Variants in MTUS2 observed in about 807,000 individuals in gnomAD.
The protein encoded by MTUS2 is microtubule associated scaffold protein 2, also known as microtubule-associated tumor suppressor candidate 2.
MTUS2 carries 40 observed loss-of-function variants against 114.1 expected under a neutral mutation model. The ratio of observed to expected loss-of-function variants is 0.35; its 90% CI spans 0.27 to 0.46. The LOEUF (loss-of-function observed/expected upper bound fraction) is 0.46. Ranked by LOEUF, MTUS2 falls within the 20% of genes least tolerant of loss-of-function variation. The pLI is 1.00. For synonymous variants in MTUS2, 688 were observed against 672.0 expected (o/e 1.02, Z -0.37); for missense variants, 1,679 against 1,705.4 (o/e 0.98, Z 0.27).
At chr13:29,291,965 C>G (rs889081064) in intron 6 of MTUS2, among the ~76,000 whole-genome samples, 4 of 152,154 alleles carry the variant, frequency 2.6e-5, no homozygotes, top group Non-Finnish European at 5.9e-5. Context: ...AGAATTTTAG[C>G]TTTGCATGTA....
intron 6 of MTUS2, among the ~76,000 whole-genome samples, chr13:29,313,004 A>G (rs1225309547): frequency 6.6e-6 from 1 of 152,254 alleles, no homozygotes; most frequent in Non-Finnish European, 1.5e-5. Flanking sequence ...GTTAGTAATA[A>G]TAACCAACTC....
intron 5 of MTUS2, among the ~76,000 whole-genome samples, chr13:29,159,780 C>A (rs764510100): frequency 6.6e-6 from 1 of 152,046 alleles, no homozygotes; most frequent in African/African-American, 2.4e-5. Context: ...CAAATTAAAA[C>A]AACAATGTGA....
intron 5 of MTUS2, among the ~76,000 whole-genome samples, chr13:29,244,739 G>A (rs964011275): frequency 1.3e-5 from 2 of 151,666 alleles, no homozygotes; most frequent in Non-Finnish European, 2.9e-5. Context: ...GGCGGATCAC[G>A]AGGTCAGGAG....
At chr13:28,910,628 A>G (rs1013769771) in intron 2 of MTUS2, among the ~76,000 whole-genome samples, 30 of 151,516 alleles carry the variant, frequency 2.0e-4, no homozygotes, top group African/African-American at 7.0e-4. Flanking sequence ...GAAAACATGC[A>G]GTGTTTGGTT....
chr13:29,501,290 C>A, intron 15 of MTUS2, 96 bp downstream of exon 15: 2 of 891,580 alleles, frequency 2.2e-6, no homozygotes, highest in Non-Finnish European at 1.8e-6. Context: ...GTGAGTCTTT[C>A]CCCACAGTCT....
chr13:29,132,497 C>T (rs562311299), intron 5 of MTUS2, among the ~76,000 whole-genome samples: 6 of 152,298 alleles, frequency 3.9e-5, no homozygotes, highest in South Asian at 2.1e-4. Context: ...ACCCATTAAA[C>T]AACAACTCTG....
intron 2 of MTUS2, among the ~76,000 whole-genome samples, chr13:28,894,289 GGAGAGA>G (rs1282557810): frequency 7.6e-4 from 9 of 11,808 alleles, no homozygotes; most frequent in East Asian, 1.0e-3. Context: ...TGGGGGGGGG[GGAGAGA>G]GAGAGAGAGG....
At chr13:29,338,610 G>C (rs993154868) in intron 7 of MTUS2, among the ~76,000 whole-genome samples, 8 of 146,204 alleles carry the variant, frequency 5.5e-5, no homozygotes, top group African/African-American at 8.3e-5. Flanking sequence ...AAAAAACAAA[G>C]TTGCATAACC....
At chr13:29,292,882 AAAAG>A (rs1255308229) in intron 6 of MTUS2, among the ~76,000 whole-genome samples, 1 of 152,156 alleles carries the variant, frequency 6.6e-6, no homozygotes, top group African/African-American at 2.4e-5. Context: ...TCAAGGGAAA[AAAAG>A]AGCCTGCCAT....
chr13:29,195,539 GAA>G (rs59726006), intron 5 of MTUS2, among the ~76,000 whole-genome samples: 12,267 of 78,994 alleles, frequency 0.16, 892 homozygotes, highest in African/African-American at 0.26. Flanking sequence ...ACTTAATTCT[GAA>G]AAAAAAAAAA....
intron 2 of MTUS2, among the ~76,000 whole-genome samples, chr13:28,841,413 G>T (rs1010209179): frequency 3.3e-5 from 5 of 152,226 alleles, no homozygotes; most frequent in African/African-American, 1.2e-4. Flanking sequence ...AAGTGGTGCA[G>T]GTTGTGGGGT....
intron 1 of MTUS2, among the ~76,000 whole-genome samples, chr13:28,829,398 GGT>G (rs1294798785): frequency 6.6e-6 from 1 of 152,108 alleles, no homozygotes; most frequent in Non-Finnish European, 1.5e-5. Flanking sequence ...CAGGCATGGT[GGT>G]GTGTGTATGT....
At chr13:29,227,278 AAACTGCGTAG>A (rs1896147259) in intron 5 of MTUS2, among the ~76,000 whole-genome samples, 1 of 150,778 alleles carries the variant, frequency 6.6e-6, no homozygotes, top group Admixed American at 6.6e-5. Context: ...AAAAAAAAAG[AAACTGCGTAG>A]AGGCAGCTTC....
At chr13:29,347,303 A>G (rs1868792441) in intron 7 of MTUS2, among the ~76,000 whole-genome samples, 1 of 152,090 alleles carries the variant, frequency 6.6e-6, no homozygotes, top group African/African-American at 2.4e-5. Flanking sequence ...TAGTACATAA[A>G]TTTCTCTGTA....
At chr13:29,134,597 G>A (rs878972446) in intron 5 of MTUS2, among the ~76,000 whole-genome samples, 2 of 151,764 alleles carry the variant, frequency 1.3e-5, no homozygotes, top group Admixed American at 1.3e-4. Context: ...TCTGTATCAC[G>A]CTTTATTTTT....
intron 2 of MTUS2, among the ~76,000 whole-genome samples, chr13:28,930,543 A>G (rs1397949492): frequency 6.6e-6 from 1 of 152,224 alleles, no homozygotes; most frequent in Admixed American, 6.5e-5. Flanking sequence ...TAGAAGGTAG[A>G]GGAAAAGTGT....
At position 28,960,676 on chromosome 13, in the gene MTUS2, A is replaced by T. The variant is rs114615353; in HGVS notation, c.-242-63781A>T. Among the ~76,000 whole-genome samples, 516 of 152,318 alleles carry T rather than the reference A, an allele frequency of 3.4e-3. 5 individuals carry two copies. Among genetic ancestry groups the T allele is most frequent in the African/African-American group, 0.012 (492 of 41,586 alleles). ...GCAAATCTATAAAGACAGAAAATAG[A>T]TTAGTGGTTTCCAGGGACTGGGGAG... is the stretch of plus-strand genomic sequence containing the variant. On this transcript the variant is annotated intron_variant, in intron 2 of 15. Transcript: ENST00000612955.
rs1872856416 is a variant in MTUS2, at chr13:29,389,243, A to ATATATATGTATACACATGTGTGTATATG, written c.3117+29797_3117+29798insGTATATATGTATACACATGTGTGTATAT. Among the ~76,000 whole-genome samples, 2 of 121,958 alleles carry ATATATATGTATACACATGTGTGTATATG rather than the reference A, an allele frequency of 1.6e-5. 1 individual carries two copies. The highest frequency in any genetic ancestry group is 6.6e-5 in the African/African-American group (2 of 30,392). The allele number at this position is 121,958 out of a possible 152,430, so 80.0% of individuals were successfully genotyped here. A position where few individuals can be genotyped will look rare whatever the true frequency, so the allele number is the denominator to read the frequency against. On this transcript the variant is annotated intron_variant, in intron 8 of 15. Transcript: ENST00000612955. ...TATGTATGTATATATGTATGTGTGT[A>ATATATATGTATACACATGTGTGTATATG]TATATATGTATACACATGTGTGTAT...
At chr13:28,876,420 T>G (rs1017092369) in intron 2 of MTUS2, among the ~76,000 whole-genome samples, 4 of 152,190 alleles carry the variant, frequency 2.6e-5, no homozygotes, top group Non-Finnish European at 4.4e-5. Context: ...CATGACATCA[T>G]CTGGTGGGTC....
Sources: gnomAD v4.1 joint callset for allele counts (sites outside exome capture counted in the v4.1 genomes callset) on GRCh38, gnomAD v4.1.1 for gene constraint, MANE v1.5 for transcripts, NCBI Gene and HGNC (gene_info 2026-07-23, HGNC 2026-07-21) for gene names.